The following WWOX variants were observed in gnomAD, a reference collection of about 807,000 sequenced individuals.
The protein encoded by WWOX is WW domain-containing oxidoreductase.
In WWOX, 69 loss-of-function variants were observed where a neutral mutation model predicts 46.2. The ratio of observed to expected loss-of-function variants is 1.49; its 90% CI spans 1.23 to 1.82. The LOEUF (loss-of-function observed/expected upper bound fraction) is 1.82. WWOX is among the 40% of genes most tolerant of loss of function. The pLI is 0.00. For missense variants in WWOX, 919 were observed against 542.6 expected (o/e 1.69, Z -6.89); for synonymous variants, 359 against 202.6 (o/e 1.77, Z -6.56).
At chr16:78,986,511 A>C (rs1234094736) in intron 8 of WWOX, among the ~76,000 whole-genome samples, 1 of 152,144 alleles carries the variant, frequency 6.6e-6, no homozygotes, top group Non-Finnish European at 1.5e-5. Flanking sequence ...TCTTTTTAGG[A>C]TTTCATGTAA....
intron 8 of WWOX, among the ~76,000 whole-genome samples, chr16:78,772,145 A>G (rs1321555189): frequency 6.6e-6 from 1 of 152,170 alleles, no homozygotes; most frequent in Non-Finnish European, 1.5e-5. Flanking sequence ...TCACCCAGGT[A>G]ATAAGCCTTG....
intron 8 of WWOX, among the ~76,000 whole-genome samples, chr16:78,809,078 TGA>T (rs1423456764): frequency 6.6e-6 from 1 of 151,776 alleles, no homozygotes; most frequent in East Asian, 1.9e-4. Context: ...CGAGAAACAC[TGA>T]GGACACACGG....
rs113854812 is a variant in WWOX at position 78,399,765 on chromosome 16, C to T, written c.605+12817C>T. ...TTTCTCCTCTTAGCATCCTAACCAC[C>T]CTCATTGTCACTTTGGAATCTACAC... On this transcript the variant is annotated intron_variant, in intron 6 of 8. Coordinates refer to ENST00000566780, the MANE Select transcript of WWOX (RefSeq NM_016373.4). 2.2e-3 allele frequency among the ~76,000 whole-genome samples: 330 copies of T among 151,508 alleles called. 2 individuals carry two copies. Among genetic ancestry groups the T allele is most frequent in the African/African-American group, 7.8e-3 (322 of 41,210 alleles).
chr16:79,129,047 G>T (rs569333836), intron 8 of WWOX, among the ~76,000 whole-genome samples: 1 of 152,146 alleles, frequency 6.6e-6, no homozygotes, highest in Admixed American at 6.5e-5. Context: ...TCCTGACACA[G>T]AACTCTGTTT....
At chr16:78,520,607 C>T (rs1478060728) in intron 8 of WWOX, among the ~76,000 whole-genome samples, 2 of 151,754 alleles carry the variant, frequency 1.3e-5, no homozygotes, top group African/African-American at 4.8e-5. Context: ...CTGGGACTCA[C>T]TCTAGACTGG....
At chr16:78,147,107 A>C (rs1166436542) in intron 4 of WWOX, among the ~76,000 whole-genome samples, 3 of 152,248 alleles carry the variant, frequency 2.0e-5, no homozygotes, top group African/African-American at 4.8e-5. Flanking sequence ...ATTATCTTAA[A>C]GATATCTAAG....
In WWOX at chr16:78,164,216, G is replaced by C. The variant is rs372660669; in HGVS notation, c.443G>C (p.Gly148Ala). ...ACCGCCAAGTCTTTTGCCCTCCATG[G>C]TGCACATGTGATCTTGGCCTGCAGG... ...FETAKSFALH[G>A]AHVILACRNM... is the part of the protein sequence containing the mutation. The change falls in exon 5 of 9, where the codon GGT becomes GCT. Residue 148 changes from glycine (G) to alanine (A), a missense_variant. Gly to Ala is a moderately conservative substitution (Grantham distance 60, BLOSUM62 0). Coordinates refer to ENST00000566780, the MANE Select transcript of WWOX (RefSeq NM_016373.4). The C allele has an allele frequency of 5.6e-6, 9 of 1,613,986 alleles. No homozygotes were observed. In the African/African-American group the frequency reaches 1.2e-4, roughly 22 times the overall value.
chr16:78,685,523 A>C (rs2047834613), intron 8 of WWOX, among the ~76,000 whole-genome samples: 1 of 152,228 alleles, frequency 6.6e-6, no homozygotes, highest in South Asian at 2.1e-4. Flanking sequence ...ATGTATCCTA[A>C]AATGCAAAAA....
chr16:79,170,691 G>A (rs77143420), intron 8 of WWOX, among the ~76,000 whole-genome samples: 7 of 151,738 alleles, frequency 4.6e-5, no homozygotes, highest in Admixed American at 3.3e-4. Context: ...CAGTAAATGC[G>A]CTCTTTAAGA....
intron 8 of WWOX, among the ~76,000 whole-genome samples, chr16:78,490,283 A>G (rs16947719): frequency 0.021 from 2,667 of 129,652 alleles, 55 homozygotes; most frequent in African/African-American, 0.072. Flanking sequence ...GGAAGTGCAC[A>G]GTATTGTTTA....
At chr16:79,210,364 G>GTGAT (rs1286396536) in intron 8 of WWOX, among the ~76,000 whole-genome samples, 1 of 152,180 alleles carries the variant, frequency 6.6e-6, no homozygotes, top group African/African-American at 2.4e-5. Flanking sequence ...TGCAAGCATA[G>GTGAT]TGATTGCAAA....
At chr16:78,572,406 G>A (rs914949352) in intron 8 of WWOX, among the ~76,000 whole-genome samples, 1 of 151,968 alleles carries the variant, frequency 6.6e-6, no homozygotes, top group Non-Finnish European at 1.5e-5. Context: ...TCCAACCCGG[G>A]CAACATACTG....
At chr16:78,324,906 G>A (rs1026270534) in intron 5 of WWOX, among the ~76,000 whole-genome samples, 8 of 152,184 alleles carry the variant, frequency 5.3e-5, no homozygotes, top group African/African-American at 1.9e-4. Flanking sequence ...TTTTAAATGG[G>A]TGAATCGTAT....
intron 8 of WWOX, among the ~76,000 whole-genome samples, chr16:78,715,897 A>T (rs2048550215): frequency 6.6e-6 from 1 of 152,134 alleles, no homozygotes; most frequent in South Asian, 2.1e-4. Flanking sequence ...GAATGCTGGG[A>T]TACGATGGAA....
At chr16:78,326,566 G>GCCCCCC (rs1388904234) in intron 5 of WWOX, among the ~76,000 whole-genome samples, 5 of 22,708 alleles carry the variant, frequency 2.2e-4, no homozygotes, top group African/African-American at 1.1e-3. Flanking sequence ...ATTTCTGCCT[G>GCCCCCC]CCCTCCCCCC....
chr16:78,467,391 GC>G (rs1351681868), intron 8 of WWOX, among the ~76,000 whole-genome samples: 1 of 152,118 alleles, frequency 6.6e-6, no homozygotes, highest in Non-Finnish European at 1.5e-5. Flanking sequence ...CTTACTATAT[GC>G]TAGAGGTGAG....
At chr16:78,302,598 C>T (rs139774504) in intron 5 of WWOX, among the ~76,000 whole-genome samples, 2 of 152,300 alleles carry the variant, frequency 1.3e-5, no homozygotes, top group Non-Finnish European at 2.9e-5. Context: ...ATAGCTTTCC[C>T]ATTAGACTTG....
intron 6 of WWOX, among the ~76,000 whole-genome samples, chr16:78,422,736 C>CACATATATAT (rs1482957627): frequency 9.2e-6 from 1 of 108,902 alleles, no homozygotes; most frequent in Admixed American, 9.8e-5. Context: ...TATATACACA[C>CACATATATAT]ACATATATAT....
At chr16:78,322,187 C>T (rs142273665) in intron 5 of WWOX, among the ~76,000 whole-genome samples, 4 of 152,002 alleles carry the variant, frequency 2.6e-5, no homozygotes, top group East Asian at 1.9e-4. Context: ...ACAAACAATT[C>T]GAAAGAGCAA....
Sources: gnomAD v4.1 joint callset for allele counts (sites outside exome capture counted in the v4.1 genomes callset) on GRCh38, gnomAD v4.1.1 for gene constraint, MANE v1.5 for transcripts, NCBI Gene and HGNC (gene_info 2026-07-23, HGNC 2026-07-21) for gene names.